Variants in HCN1 observed in about 807,000 individuals in gnomAD.
HCN1 encodes the protein potassium/sodium hyperpolarization-activated cyclic nucleotide-gated channel 1.
HCN1 carries 13 observed loss-of-function variants against 78.9 expected under a neutral mutation model. That is an observed-to-expected ratio of 0.16 (90% confidence interval 0.11 to 0.26). HCN1 has a LOEUF of 0.26. HCN1 is among the 10% of genes least tolerant of loss of function. The pLI is 1.00. For synonymous variants in HCN1, 552 were observed against 455.5 expected, an observed-to-expected ratio of 1.21 and a Z score of -2.70; for missense variants, 810 against 1,154.3, an observed-to-expected ratio of 0.70 and a Z score of 4.32.
chr5:45,500,976 A>C (rs1028704576), intron 2 of HCN1, among the ~76,000 whole-genome samples: 1 of 152,182 alleles, frequency 6.6e-6, no homozygotes, highest in African/African-American at 2.4e-5. Flanking sequence ...TATCCTATTT[A>C]TCTCATTCTT....
chr5:45,656,236 G>A (rs776792192), intron 1 of HCN1, among the ~76,000 whole-genome samples: 1 of 152,108 alleles, frequency 6.6e-6, no homozygotes, highest in African/African-American at 2.4e-5. Flanking sequence ...GAGTTCCGGG[G>A]GTTGCATGGC....
intron 2 of HCN1, among the ~76,000 whole-genome samples, chr5:45,469,485 C>A (rs1741343436): frequency 6.6e-6 from 1 of 151,954 alleles, no homozygotes; most frequent in African/African-American, 2.4e-5. Context: ...TGTGCAACCA[C>A]TGACATATTT....
rs1740365509 is a variant in HCN1, at chr5:45,427,014, G to T, written c.1012-30304C>A. ...ATACATATTCATTATATTATAATAT[G>T]AATTTTAATTCATAATACATACCTA... On this transcript the variant is annotated intron_variant, in intron 3 of 7. Transcript: ENST00000303230. Among the ~76,000 whole-genome samples the T allele has an allele frequency of 4.0e-5, 6 of 151,856 alleles. No homozygotes were observed. The South Asian group carries it at 1.2e-3, about 32-fold the overall frequency.
At chr5:45,382,402 G>A (rs889947407) in intron 4 of HCN1, among the ~76,000 whole-genome samples, 11 of 152,096 alleles carry the variant, frequency 7.2e-5, no homozygotes, top group Non-Finnish European at 1.6e-4. Context: ...AGAAGGTACT[G>A]GATTTGATGA....
intron 2 of HCN1, among the ~76,000 whole-genome samples, chr5:45,480,409 A>C (rs1466165987): frequency 2.0e-5 from 3 of 152,182 alleles, no homozygotes; most frequent in Non-Finnish European, 4.4e-5. Context: ...TTTAAATAAC[A>C]ATTGCAATAA....
intron 2 of HCN1, among the ~76,000 whole-genome samples, chr5:45,488,248 T>C (rs920801360): frequency 6.6e-6 from 1 of 152,118 alleles, no homozygotes; most frequent in Admixed American, 6.6e-5. Flanking sequence ...AAATTAAAAA[T>C]TGATTTCATG....
At chr5:45,522,555 A>G (rs1742636690) in intron 2 of HCN1, among the ~76,000 whole-genome samples, 1 of 152,022 alleles carries the variant, frequency 6.6e-6, no homozygotes, top group African/African-American at 2.4e-5. Context: ...GTTTTACCCA[A>G]AAGATACTCT....
chr5:45,478,238 G>A (rs1309137338), intron 2 of HCN1, among the ~76,000 whole-genome samples: 1 of 152,066 alleles, frequency 6.6e-6, no homozygotes, highest in Non-Finnish European at 1.5e-5. Flanking sequence ...GCCAAATAAT[G>A]TACATAGGGT....
chr5:45,374,086 A>T (rs1293444590), intron 4 of HCN1, among the ~76,000 whole-genome samples: 1 of 82,602 alleles, frequency 1.2e-5, no homozygotes, highest in Non-Finnish European at 2.3e-5. Context: ...TATCTATTAC[A>T]TATATGTATA....
At chr5:45,656,547 G>T (rs557266972) in intron 1 of HCN1, among the ~76,000 whole-genome samples, 2 of 152,070 alleles carry the variant, frequency 1.3e-5, no homozygotes, top group Non-Finnish European at 2.9e-5. Flanking sequence ...GGAGATAAAC[G>T]GATTAAATTG....
At chr5:45,686,119 A>AT (rs1739803895) in intron 1 of HCN1, among the ~76,000 whole-genome samples, 1 of 148,804 alleles carries the variant, frequency 6.7e-6, no homozygotes, top group South Asian at 2.1e-4. Flanking sequence ...TTACATATAT[A>AT]TATATTTTTT....
At chr5:45,658,794 G>C (rs1160519951) in intron 1 of HCN1, among the ~76,000 whole-genome samples, 2 of 152,044 alleles carry the variant, frequency 1.3e-5, no homozygotes, top group Admixed American at 6.5e-5. Context: ...ACTTGGCTGA[G>C]AGGGTCCTAC....
At chr5:45,263,268 G>A (rs924348252) in intron 7 of HCN1, among the ~76,000 whole-genome samples, 10 of 151,978 alleles carry the variant, frequency 6.6e-5, no homozygotes, top group African/African-American at 2.2e-4. Flanking sequence ...TGTAACCCGC[G>A]ACCCTGTCAG....
intron 4 of HCN1, among the ~76,000 whole-genome samples, chr5:45,378,347 G>C (rs1218782387): frequency 6.6e-6 from 1 of 151,924 alleles, no homozygotes; most frequent in East Asian, 1.9e-4. Flanking sequence ...ATAAACTAGA[G>C]TGCCAATTTT....
intron 2 of HCN1, among the ~76,000 whole-genome samples, chr5:45,640,468 T>C (rs1004621018): frequency 1.1e-4 from 16 of 152,020 alleles, no homozygotes; most frequent in Non-Finnish European, 1.6e-4. Flanking sequence ...CAAATTATCA[T>C]GAACAAATGC....
At position 45,353,023 on chromosome 5, in the gene HCN1, G is replaced by T. The variant is rs1746944116; in HGVS notation, c.1377+77C>A. ...TTTAGGTTTTTCTTTAGAGTAACGT[G>T]GACTAGAAGATTCTCCATGAAGAGA... On this transcript the variant is annotated intron_variant, in intron 5 of 7. Coordinates refer to ENST00000303230, the MANE Select transcript of HCN1 (RefSeq NM_021072.4). The T allele has an allele frequency of 4.7e-6, 6 of 1,270,672 alleles. No individual in the cohort carries two copies. The East Asian group carries it at 1.2e-4, about 25-fold the overall frequency. The allele number at this position is 1,270,672 out of a possible 1,614,324, so 78.7% of individuals were successfully genotyped here.
intron 2 of HCN1, among the ~76,000 whole-genome samples, chr5:45,463,772 T>G (rs985509956): frequency 6.6e-6 from 1 of 152,070 alleles, no homozygotes; most frequent in Non-Finnish European, 1.5e-5. Context: ...TTTGTTGTTG[T>G]TTAGTAACAG....
At chr5:45,580,411 G>A (rs1348312672) in intron 2 of HCN1, among the ~76,000 whole-genome samples, 1 of 151,914 alleles carries the variant, frequency 6.6e-6, no homozygotes, top group African/African-American at 2.4e-5. Context: ...CCTGGAAAAG[G>A]CAATGAAACA....
At chr5:45,655,968 G>A (rs546030408) in intron 1 of HCN1, among the ~76,000 whole-genome samples, 1 of 152,216 alleles carries the variant, frequency 6.6e-6, no homozygotes, top group East Asian at 1.9e-4. Flanking sequence ...CAAAAAATAT[G>A]TACACAGCAG....
Sources: gnomAD v4.1 joint callset for allele counts (sites outside exome capture counted in the v4.1 genomes callset) on GRCh38, gnomAD v4.1.1 for gene constraint, MANE v1.5 for transcripts, NCBI Gene and HGNC (gene_info 2026-07-23, HGNC 2026-07-21) for gene names.